The following GLCCI1 variants were observed in gnomAD, a reference collection of about 807,000 sequenced individuals.
GLCCI1 encodes glucocorticoid induced 1, also known as glucocorticoid-induced transcript 1 protein.
In GLCCI1, 24 loss-of-function variants were observed where a neutral mutation model predicts 52.2. The ratio of observed to expected loss-of-function variants is 0.46; its 90% CI spans 0.33 to 0.65. The LOEUF is 0.65. Among genes scored for constraint, GLCCI1 ranks in the 30% least tolerant of loss-of-function variants. GLCCI1 has a pLI of 0.02. For missense variants in GLCCI1, 704 were observed against 701.5 expected (o/e 1.00, Z -0.04); for synonymous variants, 310 against 276.5 (o/e 1.12, Z -1.20).
chr7:8,057,947 T>C (rs761929400), intron 4 of GLCCI1, among the ~76,000 whole-genome samples: 5 of 152,198 alleles, frequency 3.3e-5, no homozygotes, highest in Admixed American at 1.3e-4. Context: ...GAATGTACTT[T>C]AAAATATTCC....
At chr7:8,019,850 G>C (rs1781450213) in intron 2 of GLCCI1, among the ~76,000 whole-genome samples, 1 of 152,188 alleles carries the variant, frequency 6.6e-6, no homozygotes, top group South Asian at 2.1e-4. Flanking sequence ...CATGTACCAT[G>C]GAATGGAGTT....
chr7:7,996,311 C>T (rs969386621), intron 1 of GLCCI1, among the ~76,000 whole-genome samples: 1 of 152,066 alleles, frequency 6.6e-6, no homozygotes, highest in Admixed American at 6.6e-5. Flanking sequence ...GCTGATGAAT[C>T]TCCTTCTACT....
rs1782411442 is a variant in GLCCI1, at chr7:8,056,948, C to T, written c.813+1399C>T. ...AGGGCAGTAAGATAAAGAATTATCA[C>T]TACTTACATATGATATTATATATTT... On this transcript the variant is annotated intron_variant, in intron 4 of 7. Transcript: ENST00000223145. 1.3e-5 allele frequency among the ~76,000 whole-genome samples: 2 copies of T among 152,046 alleles called. 1 individual carries two copies. Among genetic ancestry groups the T allele is most frequent in the Non-Finnish European group, 2.9e-5 (2 of 67,996 alleles).
rs1392007214 is a variant in GLCCI1, at chr7:8,088,652, A to G, written c.*2114A>G. 1 of 152,650 alleles carries G rather than the reference A, an allele frequency of 6.6e-6. No homozygotes were observed. Among genetic ancestry groups the G allele is most frequent in the Non-Finnish European group, 1.5e-5 (1 of 68,042 alleles). 9.5% of individuals were successfully genotyped at this position (152,650 alleles called of 1,614,324 possible). Reference sequence around the variant, plus strand: ...TCTGCTTTTGTCCAAATAAAATGCAATAGTATCAATATCAATTTCAGAAAA... The same window carrying G: ...TCTGCTTTTGTCCAAATAAAATGCAGTAGTATCAATATCAATTTCAGAAAA... On this transcript the variant is annotated 3_prime_UTR_variant, in exon 8 of 8. Coordinates refer to ENST00000223145, the MANE Select transcript of GLCCI1 (RefSeq NM_138426.4).
intron 3 of GLCCI1, among the ~76,000 whole-genome samples, chr7:8,046,950 G>T (rs977821809): frequency 6.6e-6 from 1 of 152,080 alleles, no homozygotes; most frequent in African/African-American, 2.4e-5. Context: ...TTTGGAGATG[G>T]ATGTGTGTCT....
intron 5 of GLCCI1, among the ~76,000 whole-genome samples, chr7:8,061,916 C>G (rs1034702181): frequency 6.6e-6 from 1 of 152,078 alleles, no homozygotes; most frequent in Non-Finnish European, 1.5e-5. Context: ...ATCCGCCCAC[C>G]TCGGCCTCCC....
chr7:7,982,684 T>C (rs1040417628), intron 1 of GLCCI1, among the ~76,000 whole-genome samples: 4 of 152,200 alleles, frequency 2.6e-5, no homozygotes, highest in Middle Eastern at 3.2e-3. Context: ...ATTTGCTTTG[T>C]ACATAGGTAT....
At chr7:8,074,640 A>G (rs1782835490) in intron 6 of GLCCI1, among the ~76,000 whole-genome samples, 2 of 152,142 alleles carry the variant, frequency 1.3e-5, no homozygotes, top group Non-Finnish European at 2.9e-5. Flanking sequence ...AGCCGAGATC[A>G]CGTCACTGCA....
intron 3 of GLCCI1, among the ~76,000 whole-genome samples, chr7:8,031,041 A>G (rs767892932): frequency 1.1e-4 from 16 of 152,174 alleles, no homozygotes; most frequent in Non-Finnish European, 1.8e-4. Context: ...TGCTGGGTAT[A>G]TACCCAAAGG....
At position 8,083,839 on chromosome 7, in the gene GLCCI1, A is replaced by T. The variant is rs114452700; in HGVS notation, c.1178-1058A>T. On this transcript the variant is annotated intron_variant, in intron 6 of 7. Coordinates refer to ENST00000223145, the MANE Select transcript of GLCCI1 (RefSeq NM_138426.4). ...GGTCTTCTTCCTAAGCATGTGTTAT[A>T]ACTTCATTAATGATGATAAAACATT... Among the ~76,000 whole-genome samples the T allele has an allele frequency of 1.1e-3, 164 of 152,332 alleles. 1 individual carries two copies. The highest frequency in any genetic ancestry group is 3.5e-3 in the African/African-American group (145 of 41,582).
intron 2 of GLCCI1, among the ~76,000 whole-genome samples, chr7:8,009,236 C>T (rs1781212160): frequency 6.6e-6 from 1 of 152,066 alleles, no homozygotes; most frequent in South Asian, 2.1e-4. Flanking sequence ...AATGTATTAC[C>T]AACTCTTAAA....
At chr7:7,972,627 T>C (rs1780376099) in intron 1 of GLCCI1, among the ~76,000 whole-genome samples, 1 of 152,212 alleles carries the variant, frequency 6.6e-6, no homozygotes, top group Non-Finnish European at 1.5e-5. Context: ...TATATCATTA[T>C]CTGCGTCTTA....
chr7:8,041,930 G>T (rs752234806), intron 3 of GLCCI1, among the ~76,000 whole-genome samples: 8 of 152,172 alleles, frequency 5.3e-5, no homozygotes, highest in Admixed American at 3.3e-4. Context: ...TTGCCATTCT[G>T]AAAATCCTGG....
intron 3 of GLCCI1, among the ~76,000 whole-genome samples, chr7:8,023,887 C>G (rs1781555760): frequency 6.6e-6 from 1 of 152,070 alleles, no homozygotes. Context: ...GCATGAACCA[C>G]CACACCAGGC....
intron 3 of GLCCI1, among the ~76,000 whole-genome samples, chr7:8,054,197 TAGAG>T (rs1158795075): frequency 2.6e-5 from 4 of 152,172 alleles, no homozygotes; most frequent in African/African-American, 9.6e-5. Context: ...TTTTTTATCA[TAGAG>T]AATTATCTGT....
At chr7:8,018,734 T>C (rs1028909035) in intron 2 of GLCCI1, among the ~76,000 whole-genome samples, 3 of 152,112 alleles carry the variant, frequency 2.0e-5, no homozygotes, top group African/African-American at 7.2e-5. Flanking sequence ...GTCTTACAGA[T>C]AGGTTTTAGT....
At chr7:8,071,267 TG>T in intron 6 of GLCCI1, 136 bp downstream of exon 6, 1 of 701,926 alleles carries the variant, frequency 1.4e-6, no homozygotes, top group Non-Finnish European at 2.3e-6. Flanking sequence ...TAGGTTTCTT[TG>T]TTCATTGGTT....
Position 7,969,454 on chromosome 7 carries a change from C to T in GLCCI1, c.104C>T (p.Ala35Val). The change falls in exon 1 of 8, where the codon GCC becomes GTC. Residue 35 changes from alanine (A) to valine (V), a missense_variant. This residue lies in a region of GLCCI1 where 547 missense variants were observed against 524.8 expected (regional missense o/e 1.04). Coordinates refer to ENST00000223145, the MANE Select transcript of GLCCI1 (RefSeq NM_138426.4). This position sits in a 1 kb window ranked among gnomAD's most constrained non-coding sequence, Gnocchi z 4.9. ...RSAAGSPPAV[A>V]AAGSGNGAGG... ...GCCGCGGGGTCCCCGCCCGCCGTCGCCGCCGCCGGGAGCGGGAACGGTGCG... is the reference window on the plus strand; with the variant it reads ...GCCGCGGGGTCCCCGCCCGCCGTCGTCGCCGCCGGGAGCGGGAACGGTGCG... The T allele has an allele frequency of 8.5e-7, 1 of 1,172,848 alleles. No homozygotes were observed. The highest frequency in any genetic ancestry group is 1.1e-6 in the Non-Finnish European group (1 of 948,484). The allele number at this position is 1,172,848 out of a possible 1,614,324, so 72.7% of individuals were successfully genotyped here. A position where few individuals can be genotyped will look rare whatever the true frequency, so the allele number is the denominator to read the frequency against.
rs536864071 is a variant in GLCCI1 at position 7,985,511 on chromosome 7, G to A, written c.457+15704G>A. 5.2e-4 allele frequency among the ~76,000 whole-genome samples: 78 copies of A among 149,268 alleles called. 2 individuals are homozygous for A. The Middle Eastern group carries it at 0.01, about 20-fold the overall frequency. On this transcript the variant is annotated intron_variant, in intron 1 of 7. Coordinates refer to ENST00000223145, the MANE Select transcript of GLCCI1 (RefSeq NM_138426.4). Reference sequence around the variant, plus strand: ...ATTTACCTGTGTAACAAACCTGCACGTCCTGCACATCTATCCTGGAACTTT... The same window carrying A: ...ATTTACCTGTGTAACAAACCTGCACATCCTGCACATCTATCCTGGAACTTT...
Sources: gnomAD v4.1 joint callset for allele counts (sites outside exome capture counted in the v4.1 genomes callset) on GRCh38, gnomAD v4.1.1 for gene constraint, gnomAD v4.1.1 regional missense constraint, Gnocchi (gnomAD v3.1) non-coding constraint, MANE v1.5 for transcripts, NCBI Gene and HGNC (gene_info 2026-07-23, HGNC 2026-07-21) for gene names.